Variants in MEGF11 observed in about 807,000 individuals in gnomAD.
MEGF11 encodes multiple epidermal growth factor-like domains protein 11.
In MEGF11, 126 loss-of-function variants were observed where a neutral mutation model predicts 146.6. The observed-to-expected ratio is 0.86, with a 90% CI of 0.74 to 1.00. MEGF11 has a LOEUF of 1.00. Ranked by LOEUF, MEGF11 falls within the 50% of genes least tolerant of loss-of-function variation. The pLI is 0.00. For synonymous variants in MEGF11, 532 were observed against 583.4 expected, an observed-to-expected ratio of 0.91 and a Z score of 1.27; for missense variants, 1,509 against 1,521.2, an observed-to-expected ratio of 0.99 and a Z score of 0.13.
chr15:66,098,480 G>T (rs1295991042), intron 4 of MEGF11, among the ~76,000 whole-genome samples: 8 of 152,190 alleles, frequency 5.3e-5, no homozygotes, highest in Non-Finnish European at 1.2e-4. Context: ...TTACATGAAA[G>T]GGTCAGGATA....
chr15:65,916,419 T>C, intron 17 of MEGF11, 143 bp from the exon 18 acceptor site: 1 of 1,119,496 alleles, frequency 8.9e-7, no homozygotes, highest in Non-Finnish European at 1.2e-6. Context: ...GTTGTCTCCC[T>C]GCTCAGGATC....
At chr15:66,243,248 A>G (rs774682293) in intron 1 of MEGF11, among the ~76,000 whole-genome samples, 2 of 152,180 alleles carry the variant, frequency 1.3e-5, no homozygotes, top group South Asian at 4.1e-4. Context: ...CTGACAGTAC[A>G]AGGGTCCCAG....
chr15:66,015,001 A>G (rs894548674), intron 5 of MEGF11, among the ~76,000 whole-genome samples: 1 of 152,100 alleles, frequency 6.6e-6, no homozygotes, highest in African/African-American at 2.4e-5. Flanking sequence ...GCATTTGCCA[A>G]TTTCCATGGT....
chr15:66,032,925 C>G (rs1355238110), intron 5 of MEGF11, among the ~76,000 whole-genome samples: 1 of 151,796 alleles, frequency 6.6e-6, no homozygotes, highest in African/African-American at 2.4e-5. Context: ...ACTAAAAATA[C>G]AAAAAATTAG....
intron 5 of MEGF11, among the ~76,000 whole-genome samples, chr15:66,088,846 C>T (rs1293403567): frequency 2.6e-5 from 4 of 151,714 alleles, no homozygotes; most frequent in South Asian, 2.1e-4. Context: ...AAGGGGGCAA[C>T]GGGGAGTTAG....
chr15:66,236,604 C>T lies in MEGF11; in HGVS notation c.-9+17001G>A, dbSNP rs1597168406. ...GGACAAGGAAGAATGAGAGGGCGTCCTGAGAATTCCATGGGGGTGTGGAAA... is the reference window on the plus strand; with the variant it reads ...GGACAAGGAAGAATGAGAGGGCGTCTTGAGAATTCCATGGGGGTGTGGAAA... On this transcript the variant is annotated intron_variant, in intron 1 of 25. Transcript: ENST00000395614. Among the ~76,000 whole-genome samples the T allele has an allele frequency of 2.0e-5, 3 of 152,284 alleles. No homozygotes were observed. The Middle Eastern group carries it at 0.01, about 518-fold the overall frequency.
intron 1 of MEGF11, among the ~76,000 whole-genome samples, chr15:66,175,717 A>G (rs1339561799): frequency 6.6e-6 from 1 of 152,220 alleles, no homozygotes; most frequent in East Asian, 1.9e-4. Context: ...CTATAAAACT[A>G]CTAGAAGAAA....
At chr15:66,201,478 G>A (rs1266342064) in intron 1 of MEGF11, among the ~76,000 whole-genome samples, 2 of 152,110 alleles carry the variant, frequency 1.3e-5, no homozygotes, top group Non-Finnish European at 2.9e-5. Flanking sequence ...CAGGGGTGCT[G>A]AGGCCAAGCA....
intron 10 of MEGF11, among the ~76,000 whole-genome samples, chr15:65,936,324 C>T (rs180799145): frequency 2.4e-4 from 37 of 152,224 alleles, no homozygotes; most frequent in African/African-American, 8.2e-4. Context: ...CTGTGAGCTC[C>T]GTGGGGATGG....
intron 10 of MEGF11, among the ~76,000 whole-genome samples, chr15:65,942,773 A>T (rs186691284): frequency 1.7e-3 from 255 of 152,224 alleles, no homozygotes; most frequent in African/African-American, 6.0e-3. Context: ...ACAGGGATTC[A>T]GAGCATCTCT....
intron 1 of MEGF11, among the ~76,000 whole-genome samples, chr15:66,204,233 C>G (rs977144306): frequency 3.9e-5 from 6 of 152,024 alleles, no homozygotes; most frequent in African/African-American, 1.4e-4. Context: ...GAAACCCCGT[C>G]TCTACAAAAA....
chr15:66,020,084 G>T (rs762395383), intron 5 of MEGF11, among the ~76,000 whole-genome samples: 24 of 152,336 alleles, frequency 1.6e-4, no homozygotes, highest in Admixed American at 4.6e-4. Context: ...CTCGGGTCCT[G>T]TAGGTGGTCC....
At chr15:66,037,170 C>A (rs1261140211) in intron 5 of MEGF11, among the ~76,000 whole-genome samples, 1 of 152,150 alleles carries the variant, frequency 6.6e-6, no homozygotes, top group African/African-American at 2.4e-5. Flanking sequence ...GGGAAACAGT[C>A]CTCGCAGCAT....
intron 10 of MEGF11, among the ~76,000 whole-genome samples, 180 bp downstream of exon 10, chr15:65,957,367 G>C (rs931995215): frequency 6.6e-6 from 1 of 152,184 alleles, no homozygotes; most frequent in Admixed American, 6.5e-5. Context: ...ATTATTTTTA[G>C]TATTACAAAC....
At chr15:66,203,421 C>A (rs1361616692) in intron 1 of MEGF11, among the ~76,000 whole-genome samples, 1 of 152,192 alleles carries the variant, frequency 6.6e-6, no homozygotes, top group Non-Finnish European at 1.5e-5. Context: ...GCAACTGAGG[C>A]CTTCTAGTCA....
At chr15:66,197,533 C>T (rs2091039002) in intron 1 of MEGF11, among the ~76,000 whole-genome samples, 1 of 152,220 alleles carries the variant, frequency 6.6e-6, no homozygotes. Context: ...AGCCATTCTC[C>T]TGCCTCAGTC....
chr15:66,099,693 G>T (rs915469129), intron 4 of MEGF11, among the ~76,000 whole-genome samples: 4 of 152,200 alleles, frequency 2.6e-5, no homozygotes, highest in African/African-American at 2.4e-5. Context: ...AGTACCAGGG[G>T]TTAGTTATAA....
chr15:66,110,175 C>A (rs756325456), intron 4 of MEGF11, among the ~76,000 whole-genome samples: 1 of 152,190 alleles, frequency 6.6e-6, no homozygotes, highest in Non-Finnish European at 1.5e-5. Flanking sequence ...GACCACCAGG[C>A]ATTGTGGGTG....
chr15:66,244,262 T>C (rs1597172987), intron 1 of MEGF11, among the ~76,000 whole-genome samples: 1 of 152,256 alleles, frequency 6.6e-6, no homozygotes, highest in East Asian at 1.9e-4. Context: ...CCCACTGTCA[T>C]CCAAGGCCTT....
Sources: allele counts gnomAD v4.1 joint callset (sites outside exome capture counted in the v4.1 genomes callset), GRCh38; gene constraint gnomAD v4.1.1; transcripts MANE v1.5; gene names NCBI Gene and HGNC (gene_info 2026-07-23, HGNC 2026-07-21).